Variants in ZNF468 observed in about 807,000 individuals in gnomAD.
The protein encoded by ZNF468 is zinc finger protein ZNF468.
ZNF468 carries 8 observed loss-of-function variants against 7.2 expected under a neutral mutation model. The ratio of observed to expected loss-of-function variants is 1.11; its 90% CI spans 0.65 to 2.01. ZNF468 has a LOEUF of 2.01. Ranked by LOEUF, ZNF468 falls within the 30% of genes most tolerant of loss-of-function variation. The pLI is 0.00. For synonymous variants in ZNF468, 218 were observed against 214.4 expected, an observed-to-expected ratio of 1.02 and a Z score of -0.15; for missense variants, 608 against 626.5, an observed-to-expected ratio of 0.97 and a Z score of 0.31.
At chr19:52,854,462 T>G (rs2147746282) in intron 1 of ZNF468, 117 bp from the exon 2 acceptor site, 2 of 1,091,552 alleles carry the variant, frequency 1.8e-6, no homozygotes, top group African/African-American at 1.6e-5. Context: ...TGCTGCCCAC[T>G]GCACAATGAA....
intron 2 of ZNF468, among the ~76,000 whole-genome samples, chr19:52,852,839 T>C (rs114936881): frequency 1.3e-5 from 2 of 150,908 alleles, no homozygotes; most frequent in Admixed American, 1.3e-4. Flanking sequence ...ATATATAAAA[T>C]TTTTTTTTAA....
intron 2 of ZNF468, among the ~76,000 whole-genome samples, chr19:52,850,830 T>C (rs111951394): frequency 0.51 from 74,910 of 148,054 alleles, 19,459 homozygotes; most frequent in African/African-American, 0.66. Flanking sequence ...ACCCGGGAGG[T>C]GGAGCTTGCA....
At chr19:52,847,156 A>G (rs1036826729) in intron 3 of ZNF468, among the ~76,000 whole-genome samples, 6 of 152,194 alleles carry the variant, frequency 3.9e-5, no homozygotes, top group Admixed American at 1.3e-4. Context: ...TTTCGCTTTG[A>G]GATGCTGTTA....
In ZNF468 at chr19:52,849,078, T is replaced by A. The variant is rs781431730; in HGVS notation, c.142+9A>T. The A allele has an allele frequency of 7.4e-6, 12 of 1,613,416 alleles. No individual in the cohort carries two copies. In the East Asian group the frequency reaches 1.6e-4, roughly 21 times the overall value. On this transcript the variant is annotated intron_variant, in intron 3 of 3. Coordinates refer to ENST00000595646, the MANE Select transcript of ZNF468 (RefSeq NM_001008801.2). The stretch of plus-strand genomic sequence containing the variant: ...AAGGGCACATCCCCAGGAGGGAAGT[T>A]ATCCTCACCCAGGGAGACGAGGTTC...
At chr19:52,847,455 C>A (rs8106315) in intron 3 of ZNF468, among the ~76,000 whole-genome samples, 4 of 146,862 alleles carry the variant, frequency 2.7e-5, no homozygotes, top group African/African-American at 7.6e-5. Context: ...TACATCCCCC[C>A]GCCTGACACC....
intron 2 of ZNF468, among the ~76,000 whole-genome samples, chr19:52,851,822 A>G (rs1176031969): frequency 6.6e-6 from 1 of 152,116 alleles, no homozygotes; most frequent in Non-Finnish European, 1.5e-5. Context: ...AAAATAATAA[A>G]ACCTACACAG....
rs987908446 is a variant in ZNF468 at position 52,850,761 on chromosome 19, T to C, written c.16-1548A>G. On this transcript the variant is annotated intron_variant, in intron 2 of 3. Coordinates refer to ENST00000595646, the MANE Select transcript of ZNF468 (RefSeq NM_001008801.2). ...AAAAATACAAAAAATTAGCCGGGCG[T>C]GGTGGCGGGCGCCTGTAGTCCCAGC... Among the ~76,000 whole-genome samples the C allele has an allele frequency of 2.3e-4, 35 of 150,074 alleles. 1 individual carries two copies. Among genetic ancestry groups the C allele is most frequent in the Non-Finnish European group, 3.6e-4 (24 of 67,546 alleles).
chr19:52,852,396 C>T (rs2063397434), intron 2 of ZNF468, among the ~76,000 whole-genome samples: 2 of 151,890 alleles, frequency 1.3e-5, no homozygotes, highest in South Asian at 2.1e-4. Context: ...AAAATAACAG[C>T]CAGGCATGGT....
intron 1 of ZNF468, among the ~76,000 whole-genome samples, chr19:52,856,552 A>AT (rs1366368388): frequency 1.4e-5 from 2 of 140,262 alleles, no homozygotes; most frequent in African/African-American, 5.1e-5. Context: ...GGCACCCCAG[A>AT]TCCCCAGGTG....
At chr19:52,847,459 T>G (rs1014527631) in intron 3 of ZNF468, among the ~76,000 whole-genome samples, 3 of 148,316 alleles carry the variant, frequency 2.0e-5, no homozygotes, top group African/African-American at 7.5e-5. Context: ...TCCCCCCGCC[T>G]GACACCTGTA....
At position 52,841,195 on chromosome 19, in the gene ZNF468, G is replaced by A. The variant is rs373103295; in HGVS notation, c.1099C>T (p.Leu367=). Reference sequence around the variant, plus strand: ...CTATGATGGCGTGCAAGGGTTGATAGTCGATTAAAAACTTTGCCACATTCA... The same window carrying A: ...CTATGATGGCGTGCAAGGGTTGATAATCGATTAAAAACTTTGCCACATTCA... ...CNECGKVFNR[L]STLARHHRLH... Residue 367 remains leucine, a synonymous_variant, in exon 4 of 4, where the codon CTA becomes TTA. Coordinates refer to ENST00000595646, the MANE Select transcript of ZNF468 (RefSeq NM_001008801.2). 3.7e-6 allele frequency: 6 copies of A among 1,611,358 alleles called. No individual in the cohort carries two copies. The African/African-American group carries it at 6.7e-5, about 18-fold the overall frequency.
At chr19:52,855,259 T>C (rs7249537) in intron 1 of ZNF468, among the ~76,000 whole-genome samples, 32,743 of 119,424 alleles carry the variant, frequency 0.27, 3,086 homozygotes, top group Middle Eastern at 0.32. Flanking sequence ...CACTGATGGG[T>C]AGAGGGAACT....
Position 52,855,526 on chromosome 19 carries a change from C to A in ZNF468, c.-73-1181G>T, listed in dbSNP as rs139030843. 4.7e-5 allele frequency among the ~76,000 whole-genome samples: 7 copies of A among 148,064 alleles called. No individual in the cohort carries two copies. The East Asian group carries it at 1.4e-3, about 29-fold the overall frequency. On this transcript the variant is annotated intron_variant, in intron 1 of 3. Coordinates refer to ENST00000595646, the MANE Select transcript of ZNF468 (RefSeq NM_001008801.2). Reference sequence around the variant, plus strand: ...GGGCTGTGGAGCCAAAGTGAAGAGTCGGGCTTTTGTCCTGGGGAACACGGG... The same window carrying A: ...GGGCTGTGGAGCCAAAGTGAAGAGTAGGGCTTTTGTCCTGGGGAACACGGG...
At chr19:52,844,029 G>T (rs1448785439) in intron 3 of ZNF468, among the ~76,000 whole-genome samples, 1 of 152,148 alleles carries the variant, frequency 6.6e-6, no homozygotes, top group Non-Finnish European at 1.5e-5. Context: ...ATCTGAGGCA[G>T]GAAACATTTG....
intron 1 of ZNF468, among the ~76,000 whole-genome samples, chr19:52,856,057 C>A (rs2063435587): frequency 3.3e-5 from 5 of 152,198 alleles, no homozygotes; most frequent in Non-Finnish European, 1.5e-5. Context: ...AAAGAAAATT[C>A]TTTTGAAAGG....
chr19:52,844,408 CA>C (rs139061051), intron 3 of ZNF468, among the ~76,000 whole-genome samples: 5,097 of 152,210 alleles, frequency 0.033, 257 homozygotes, highest in African/African-American at 0.11. Flanking sequence ...TCCCACTTCC[CA>C]AATTCATTAG....
chr19:52,854,406 A>C, intron 1 of ZNF468, 61 bp from the exon 2 acceptor site: 3 of 1,487,278 alleles, frequency 2.0e-6, no homozygotes, highest in East Asian at 2.3e-5. Flanking sequence ...CCTTAACACA[A>C]TGACACAAAC....
At position 52,841,615 on chromosome 19, in the gene ZNF468, T is replaced by TGC; in HGVS notation, c.677_678dup (p.Ser227AlafsTer5). ...ATCTGATGTTTTTTTAAGAGTGAGC[T>TGC]GCAATTAAAGGATTTGAAGCTCTGT... On this transcript the variant is annotated frameshift_variant, in exon 4 of 4. Transcript: ENST00000595646. LOFTEE classifies it low-confidence loss of function (END_TRUNC). 5 of 1,614,082 alleles carry TGC rather than the reference T, an allele frequency of 3.1e-6. No individual in the cohort carries two copies. Among genetic ancestry groups the TGC allele is most frequent in the Non-Finnish European group, 4.2e-6 (5 of 1,179,998 alleles).
At chr19:52,851,662 A>G (rs1256192639) in intron 2 of ZNF468, among the ~76,000 whole-genome samples, 1 of 151,838 alleles carries the variant, frequency 6.6e-6, no homozygotes, top group Non-Finnish European at 1.5e-5. Context: ...TGGCTTCTTG[A>G]GCCTGAGGGT....
Sources: gnomAD v4.1 joint callset for allele counts (sites outside exome capture counted in the v4.1 genomes callset) on GRCh38, gnomAD v4.1.1 for gene constraint, MANE v1.5 for transcripts, NCBI Gene and HGNC (gene_info 2026-07-23, HGNC 2026-07-21) for gene names.